Variants in RAD51B observed in about 807,000 individuals in gnomAD.
RAD51B encodes RAD51 paralog B.
In RAD51B, 38 loss-of-function variants were observed where a neutral mutation model predicts 42.2. The observed-to-expected ratio is 0.90, with a 90% CI of 0.70 to 1.18. The LOEUF (loss-of-function observed/expected upper bound fraction) is 1.18, where lower values mean the gene tolerates loss of function less well. Ranked by LOEUF, RAD51B falls within the 50% of genes most tolerant of loss-of-function variation. The pLI is 0.00. For synonymous variants in RAD51B, 154 were observed against 145.2 expected, an observed-to-expected ratio of 1.06 and a Z score of -0.43; for missense variants, 373 against 400.7, an observed-to-expected ratio of 0.93 and a Z score of 0.59.
At chr14:68,307,516 G>A (rs185986692) in intron 8 of RAD51B, among the ~76,000 whole-genome samples, 2 of 152,192 alleles carry the variant, frequency 1.3e-5, no homozygotes, top group East Asian at 1.9e-4. Flanking sequence ...AAAGCTGTGC[G>A]GCCTTTGAGT....
At chr14:68,073,104 A>G (rs2076779496) in intron 7 of RAD51B, among the ~76,000 whole-genome samples, 1 of 152,154 alleles carries the variant, frequency 6.6e-6, no homozygotes, top group Admixed American at 6.5e-5. Context: ...GGTTTGTCCG[A>G]TACTGTCAGT....
chr14:67,833,130 C>T (rs2041111747), intron 3 of RAD51B, among the ~76,000 whole-genome samples: 2 of 152,102 alleles, frequency 1.3e-5, no homozygotes, highest in African/African-American at 2.4e-5. Flanking sequence ...AATCCCAGCA[C>T]TTTGGGAGGC....
In RAD51B at chr14:67,854,540, A is replaced by G. The variant is rs2041923811; in HGVS notation, c.316-10463A>G. ...TGCCAGCTACTTGGGAGGCTGAGGC[A>G]TGAGAATCATTTGAATCCAGGAGGC... is the stretch of plus-strand genomic sequence containing the variant. On this transcript the variant is annotated intron_variant, in intron 4 of 10. Coordinates refer to ENST00000471583, the MANE Select transcript of RAD51B (RefSeq NM_133510.4). Among the ~76,000 whole-genome samples the G allele has an allele frequency of 3.3e-5, 5 of 152,140 alleles. No individual in the cohort carries two copies. In the South Asian group the frequency reaches 8.3e-4, roughly 25 times the overall value.
At chr14:68,579,713 G>A (rs1454140419) in intron 10 of RAD51B, among the ~76,000 whole-genome samples, 1 of 152,220 alleles carries the variant, frequency 6.6e-6, no homozygotes, top group African/African-American at 2.4e-5. Context: ...AGAGAGCTGA[G>A]CCTGGTGCGT....
intron 11 of RAD51B, among the ~76,000 whole-genome samples, chr14:68,671,189 T>C (rs1002990380): frequency 1.3e-5 from 2 of 152,210 alleles, no homozygotes; most frequent in African/African-American, 2.4e-5. Context: ...GGTTGGTCCG[T>C]GTGCTTTGAG....
At chr14:68,535,692 A>G (rs1277649306) in intron 10 of RAD51B, among the ~76,000 whole-genome samples, 2 of 152,192 alleles carry the variant, frequency 1.3e-5, no homozygotes, top group African/African-American at 4.8e-5. Flanking sequence ...GTGGAAAAGT[A>G]AAGGAACATT....
chr14:68,256,362 T>C (rs1180798620), intron 7 of RAD51B, among the ~76,000 whole-genome samples: 1 of 152,202 alleles, frequency 6.6e-6, no homozygotes, highest in African/African-American at 2.4e-5. Context: ...GATTCGGGTG[T>C]CTGTAGTCAC....
chr14:67,960,998 G>A (rs977576984), intron 7 of RAD51B, among the ~76,000 whole-genome samples: 1 of 148,080 alleles, frequency 6.8e-6, no homozygotes, highest in Non-Finnish European at 1.5e-5. Flanking sequence ...TTATTTGTTC[G>A]TTTGTTCATT....
At chr14:67,852,187 G>T (rs761969210) in intron 4 of RAD51B, among the ~76,000 whole-genome samples, 3 of 152,236 alleles carry the variant, frequency 2.0e-5, no homozygotes, top group African/African-American at 7.2e-5. Flanking sequence ...TGCTCAGTTG[G>T]TGGTGGAGTG....
rs950232423 is a variant in RAD51B, at chr14:68,024,452, T to C, written c.756+137248T>C. Among the ~76,000 whole-genome samples the C allele has an allele frequency of 2.0e-5, 3 of 152,222 alleles. No individual in the cohort carries two copies. The South Asian group carries it at 6.2e-4, about 32-fold the overall frequency. On this transcript the variant is annotated intron_variant, in intron 7 of 10. Transcript: ENST00000471583. ...GTGTGACCATTTTAATTATATTGAT[T>C]CTTCCAATTCATGATCATGGAATAA...
At chr14:68,275,566 A>G (rs2081204211) in intron 7 of RAD51B, among the ~76,000 whole-genome samples, 1 of 152,144 alleles carries the variant, frequency 6.6e-6, no homozygotes, top group South Asian at 2.1e-4. Context: ...ATTGGCGAGA[A>G]GCTATCAGGA....
In RAD51B at chr14:67,825,477, T is replaced by G; in HGVS notation, c.98T>G (p.Leu33Arg). 6.2e-7 allele frequency: 1 copy of G among 1,611,436 alleles called. No individual in the cohort carries two copies. Among genetic ancestry groups the G allele is most frequent in the Non-Finnish European group, 8.5e-7 (1 of 1,178,314 alleles). Residue 33 changes from leucine (L) to arginine (R), a missense_variant, in exon 3 of 11, where the codon CTT becomes CGT. Leu to Arg is a moderately radical substitution (Grantham distance 102). Coordinates refer to ENST00000471583, the MANE Select transcript of RAD51B (RefSeq NM_133510.4). ...QILTCQDFLC[L>R]SPLELMKVTG... ...ATGTTTCTTTAGGACTTTTTATGTC[T>G]TTCCCCACTGGAGCTTATGAAGGTG...
intron 8 of RAD51B, among the ~76,000 whole-genome samples, chr14:68,375,919 A>G (rs534555070): frequency 6.6e-6 from 1 of 152,182 alleles, no homozygotes; most frequent in Non-Finnish European, 1.5e-5. Context: ...TTGGAGAAGG[A>G]TTACACAAGA....
chr14:68,511,034 C>G (rs935949327), intron 10 of RAD51B, among the ~76,000 whole-genome samples: 1 of 152,148 alleles, frequency 6.6e-6, no homozygotes, highest in Admixed American at 6.5e-5. Context: ...TCATCTAAAG[C>G]TGGTCTGGAA....
At chr14:68,507,744 C>T (rs1885438331) in intron 10 of RAD51B, among the ~76,000 whole-genome samples, 1 of 152,218 alleles carries the variant, frequency 6.6e-6, no homozygotes, top group African/African-American at 2.4e-5. Context: ...CACTCCTCAG[C>T]ATAGCTCAGG....
chr14:68,328,992 G>A (rs62635808), intron 8 of RAD51B, among the ~76,000 whole-genome samples: 12,526 of 152,122 alleles, frequency 0.082, 880 homozygotes, highest in East Asian at 0.4. Context: ...TGTATATTAT[G>A]TCACTTTTTA....
chr14:68,450,566 C>G (rs1444244995), intron 9 of RAD51B, among the ~76,000 whole-genome samples: 3 of 152,122 alleles, frequency 2.0e-5, no homozygotes, highest in Non-Finnish European at 2.9e-5. Context: ...CCTGTTCCAC[C>G]TCTGAAGGGC....
At chr14:68,569,363 G>A (rs376160748) in intron 10 of RAD51B, among the ~76,000 whole-genome samples, 1 of 152,222 alleles carries the variant, frequency 6.6e-6, no homozygotes, top group African/African-American at 2.4e-5. Context: ...AACAGGGTCA[G>A]CAGCAGCAAA....
chr14:68,074,023 A>C (rs2076794757), intron 7 of RAD51B, among the ~76,000 whole-genome samples: 1 of 152,176 alleles, frequency 6.6e-6, no homozygotes, highest in Non-Finnish European at 1.5e-5. Context: ...CATGTTGTAT[A>C]GTAGCTCACG....
Sources: allele counts gnomAD v4.1 joint callset (sites outside exome capture counted in the v4.1 genomes callset), GRCh38; gene constraint gnomAD v4.1.1; transcripts MANE v1.5; gene names NCBI Gene and HGNC (gene_info 2026-07-23, HGNC 2026-07-21).